Variants in TBC1D5 observed in about 807,000 individuals in gnomAD.
TBC1D5 encodes the protein TBC1 domain family member 5.
Under a neutral mutation model 100.3 loss-of-function variants are expected in TBC1D5, and 75 were observed. That is an observed-to-expected ratio of 0.75 (90% confidence interval 0.62 to 0.91). The LOEUF (loss-of-function observed/expected upper bound fraction) is 0.91. Ranked by LOEUF, TBC1D5 falls within the 40% of genes least tolerant of loss-of-function variation. The pLI, the probability that TBC1D5 is intolerant of heterozygous loss-of-function variation, is 0.00. For synonymous variants in TBC1D5, 323 were observed against 325.6 expected, an observed-to-expected ratio of 0.99 and a Z score of 0.09; for missense variants, 910 against 942.4, an observed-to-expected ratio of 0.97 and a Z score of 0.45.
chr3:17,530,828 G>A (rs1330881975), intron 2 of TBC1D5, among the ~76,000 whole-genome samples: 6 of 152,110 alleles, frequency 3.9e-5, no homozygotes, highest in Admixed American at 3.3e-4. Context: ...TTGATGGGAC[G>A]TATCTCAAAA....
intron 15 of TBC1D5, among the ~76,000 whole-genome samples, chr3:17,270,861 T>A (rs1286603043): frequency 6.6e-6 from 1 of 152,180 alleles, no homozygotes; most frequent in African/African-American, 2.4e-5. Context: ...GCACCACTTA[T>A]TGAATAGAGA....
chr3:17,455,344 A>G (rs987569616), intron 3 of TBC1D5, among the ~76,000 whole-genome samples: 3 of 130,502 alleles, frequency 2.3e-5, no homozygotes, highest in South Asian at 2.4e-4. Flanking sequence ...GTATATGTAT[A>G]TATGTATATG....
chr3:17,624,537 A>G (rs994430974), intron 1 of TBC1D5, among the ~76,000 whole-genome samples: 6 of 152,108 alleles, frequency 3.9e-5, no homozygotes, highest in Non-Finnish European at 8.8e-5. Context: ...AATACACCTA[A>G]TAACTGTGAT....
chr3:17,300,635 G>C (rs1333364587), intron 14 of TBC1D5, among the ~76,000 whole-genome samples: 1 of 152,198 alleles, frequency 6.6e-6, no homozygotes, highest in Non-Finnish European at 1.5e-5. Flanking sequence ...AATTATAGTA[G>C]AGTATTGTAA....
chr3:17,672,574 C>A (rs965878250), intron 1 of TBC1D5: 2 of 152,002 alleles, frequency 1.3e-5, no homozygotes, highest in Non-Finnish European at 2.9e-5. Flanking sequence ...CAAACAGATG[C>A]AAAACATACA....
At chr3:17,480,814 G>A (rs1395757426) in intron 3 of TBC1D5, among the ~76,000 whole-genome samples, 1 of 152,200 alleles carries the variant, frequency 6.6e-6, no homozygotes, top group African/African-American at 2.4e-5. Flanking sequence ...GGTCTCCCGA[G>A]AGCTGCCGTT....
In TBC1D5 at chr3:17,179,974, C is replaced by T. The variant is rs548162069; in HGVS notation, c.1852+5135G>A. Among the ~76,000 whole-genome samples, 9 of 152,270 alleles carry T rather than the reference C, an allele frequency of 5.9e-5. 1 individual carries two copies. Among genetic ancestry groups the T allele is most frequent in the African/African-American group, 2.2e-4 (9 of 41,552 alleles). Reference sequence around the variant, plus strand: ...CCCAGCTGCTCACAGATCAGACTAGCGTAGGTTGCTCACCCACGTGCAATT... The same window carrying T: ...CCCAGCTGCTCACAGATCAGACTAGTGTAGGTTGCTCACCCACGTGCAATT... On this transcript the variant is annotated intron_variant, in intron 19 of 21. Coordinates refer to ENST00000253692, the Ensembl canonical transcript of TBC1D5.
chr3:17,322,524 A>T (rs965536146), intron 13 of TBC1D5, among the ~76,000 whole-genome samples: 50 of 152,120 alleles, frequency 3.3e-4, no homozygotes, highest in African/African-American at 1.2e-3. Flanking sequence ...TCCTGTGATC[A>T]CTGGCTTTTT....
intron 1 of TBC1D5, among the ~76,000 whole-genome samples, chr3:17,636,391 C>T (rs1036064906): frequency 2.0e-5 from 3 of 152,052 alleles, no homozygotes; most frequent in Non-Finnish European, 4.4e-5. Flanking sequence ...CATGGTCATG[C>T]AATGAACTAG....
intron 2 of TBC1D5, among the ~76,000 whole-genome samples, chr3:17,516,061 T>G (rs1404270138): frequency 2.6e-5 from 4 of 152,194 alleles, no homozygotes; most frequent in Non-Finnish European, 5.9e-5. Flanking sequence ...CCAAAGTAGC[T>G]TACATAAAAA....
chr3:17,209,539 T>C (rs1003821164), intron 18 of TBC1D5, among the ~76,000 whole-genome samples: 3 of 152,202 alleles, frequency 2.0e-5, no homozygotes, highest in Non-Finnish European at 4.4e-5. Flanking sequence ...CTGCTCCCTC[T>C]GCTCTTCATG....
At chr3:17,594,275 A>G (rs553722980) in intron 2 of TBC1D5, among the ~76,000 whole-genome samples, 1 of 152,268 alleles carries the variant, frequency 6.6e-6, no homozygotes, top group African/African-American at 2.4e-5. Context: ...CATGGAATAC[A>G]GGAAATCCAT....
intron 15 of TBC1D5, among the ~76,000 whole-genome samples, chr3:17,276,312 C>T (rs759747472): frequency 7.9e-5 from 12 of 152,160 alleles, no homozygotes; most frequent in Admixed American, 2.6e-4. Context: ...AAAGGCCCCA[C>T]CTCCTAGTAT....
chr3:17,724,041 T>C (rs962253370), intron 1 of TBC1D5, among the ~76,000 whole-genome samples: 4 of 152,186 alleles, frequency 2.6e-5, no homozygotes, highest in Admixed American at 2.0e-4. Flanking sequence ...TCCTGAAATA[T>C]ATTTTCATCA....
At chr3:17,711,934 T>C (rs576979738) in intron 1 of TBC1D5, among the ~76,000 whole-genome samples, 22 of 152,356 alleles carry the variant, frequency 1.4e-4, no homozygotes, top group African/African-American at 4.8e-4. Context: ...TGCCAAACTG[T>C]CTTTACTTTA....
chr3:17,343,267 AT>A (rs1269941771), intron 13 of TBC1D5, among the ~76,000 whole-genome samples: 1 of 151,964 alleles, frequency 6.6e-6, no homozygotes, highest in African/African-American at 2.4e-5. Context: ...GCTGTATTAC[AT>A]TTATTGATTT....
chr3:17,377,048 G>A (rs1461370027), intron 9 of TBC1D5, among the ~76,000 whole-genome samples: 1 of 152,032 alleles, frequency 6.6e-6, no homozygotes, highest in African/African-American at 2.4e-5. Flanking sequence ...TTATATAATG[G>A]CTCAAAATTA....
intron 2 of TBC1D5, among the ~76,000 whole-genome samples, chr3:17,610,383 C>T (rs993260682): frequency 2.6e-5 from 4 of 152,142 alleles, no homozygotes; most frequent in African/African-American, 9.7e-5. Context: ...AACAGGGTTT[C>T]ACCATGCTGA....
At chr3:17,351,121 T>C (rs888650938) in intron 13 of TBC1D5, among the ~76,000 whole-genome samples, 2 of 152,210 alleles carry the variant, frequency 1.3e-5, no homozygotes, top group South Asian at 2.1e-4. Flanking sequence ...AAAATTTCTA[T>C]GCTTCTTTAA....
Sources: gnomAD v4.1 joint callset for allele counts (sites outside exome capture counted in the v4.1 genomes callset) on GRCh38, gnomAD v4.1.1 for gene constraint, MANE v1.5 for transcripts, NCBI Gene and HGNC (gene_info 2026-07-23, HGNC 2026-07-21) for gene names.